ABCA10: variants seen among roughly 807,000 people sequenced by gnomAD.
ABCA10 encodes the protein ATP binding cassette subfamily A member 10.
ABCA10 carries 169 observed loss-of-function variants against 187.5 expected under a neutral mutation model. The observed-to-expected ratio is 0.90, with a 90% CI of 0.80 to 1.02. The LOEUF is 1.02. Ranked by LOEUF, ABCA10 falls within the 50% of genes least tolerant of loss-of-function variation. ABCA10 has a pLI of 0.00. For missense variants in ABCA10, 1,727 were observed against 1,812.4 expected (o/e 0.95, Z 0.86); for synonymous variants, 574 against 601.8 (o/e 0.95, Z 0.68).
intron 1 of ABCA10, among the ~76,000 whole-genome samples, chr17:69,242,871 C>T (rs146194857): frequency 5.3e-5 from 8 of 152,096 alleles, no homozygotes; most frequent in Non-Finnish European, 1.2e-4. Context: ...CTTGTTTTAG[C>T]GGAAAATACT....
chr17:69,180,665 G>T (rs1241306849), intron 22 of ABCA10, among the ~76,000 whole-genome samples: 1 of 152,078 alleles, frequency 6.6e-6, no homozygotes, highest in African/African-American at 2.4e-5. Context: ...TCTTATTTTT[G>T]CTCTGAACTG....
At chr17:69,149,475 A>G (rs147820824) in intron 37 of ABCA10, among the ~76,000 whole-genome samples, 3 of 152,288 alleles carry the variant, frequency 2.0e-5, no homozygotes, top group African/African-American at 7.2e-5. Context: ...ATAAATACGC[A>G]GTGTCTCTGG....
At chr17:69,164,278 ATGAGAAGAGTTGTTTTC>A (rs1555658472) in intron 26 of ABCA10, 124 bp from the exon 27 acceptor site, 1 of 747,372 alleles carries the variant, frequency 1.3e-6, no homozygotes. Flanking sequence ...ATGAATTGAG[ATGAGAAGAGTTGTTTTC>A]TGATGCTAAA....
chr17:69,194,672 A>G (rs1009714751), intron 11 of ABCA10, among the ~76,000 whole-genome samples, 177 bp from the exon 12 acceptor site: 1 of 152,232 alleles, frequency 6.6e-6, no homozygotes, highest in African/African-American at 2.4e-5. Context: ...CAAAGCTTCA[A>G]TTTGGAGAAA....
At position 69,190,471 on chromosome 17, in the gene ABCA10, TA is replaced by T; in HGVS notation, c.2017del (p.Tyr673ThrfsTer12). On this transcript the variant is annotated frameshift_variant, in exon 18 of 39. Transcript: ENST00000690296. ...LEKTNKFPDL[Y>X]SDLDKCSDQG... The stretch of plus-strand genomic sequence containing the variant: ...GTCAGAACACTTATCAAGGTCACTG[TA>T]AAGATCTAAAAAGCCAATAGTAATA... 1 of 1,568,256 alleles carries T rather than the reference TA, an allele frequency of 6.4e-7. No individual in the cohort carries two copies. The highest frequency in any genetic ancestry group is 8.6e-7 in the Non-Finnish European group (1 of 1,167,072).
At chr17:69,170,062 C>T (rs905004705) in intron 25 of ABCA10, among the ~76,000 whole-genome samples, 5 of 151,892 alleles carry the variant, frequency 3.3e-5, no homozygotes, top group African/African-American at 9.7e-5. Flanking sequence ...CCAAGGTAGG[C>T]GGGTCACCTG....
In ABCA10 at chr17:69,219,635, A is replaced by G; in HGVS notation, c.440T>C (p.Phe147Ser). 6.2e-7 allele frequency: 1 copy of G among 1,610,738 alleles called. No homozygotes were observed. The highest frequency in any genetic ancestry group is 8.5e-7 in the Non-Finnish European group (1 of 1,178,694). ...AACATTTAATGATGCAAAGTATATAAAAGAAGAGAAAGAAACTAAGCAAGT... is the reference window on the plus strand; with the variant it reads ...AACATTTAATGATGCAAAGTATATAGAAGAAGAGAAAGAAACTAAGCAAGT... ...HFTCLVSFSS[F>S]IYFASLNVAR... The change falls in exon 6 of 39, where the codon TTT becomes TCT. Residue 147 changes from phenylalanine to serine, a missense_variant. Phe to Ser is a radical substitution (Grantham distance 155, BLOSUM62 -2). Coordinates refer to ENST00000690296, the MANE Select transcript of ABCA10 (RefSeq NM_001377321.1).
chr17:69,226,284 A>G (rs2074792533), intron 2 of ABCA10, among the ~76,000 whole-genome samples: 1 of 152,204 alleles, frequency 6.6e-6, no homozygotes, highest in East Asian at 1.9e-4. Context: ...TGTTCATTGT[A>G]CCAATATTTT....
intron 15 of ABCA10, 115 bp downstream of exon 15, chr17:69,192,995 G>C (rs1045011253): frequency 2.1e-6 from 3 of 1,411,932 alleles, no homozygotes; most frequent in Non-Finnish European, 2.8e-6. Context: ...GCTTGAAATG[G>C]GCTTCTGCAA....
intron 20 of ABCA10, among the ~76,000 whole-genome samples, chr17:69,183,282 C>T (rs1598101514): frequency 6.6e-6 from 1 of 152,142 alleles, no homozygotes; most frequent in Admixed American, 6.5e-5. Flanking sequence ...TTCAAAACAT[C>T]TTTATGGAAT....
At chr17:69,170,198 G>C (rs976175198) in intron 25 of ABCA10, among the ~76,000 whole-genome samples, 3 of 151,010 alleles carry the variant, frequency 2.0e-5, no homozygotes, top group Admixed American at 6.6e-5. Context: ...TGAGGCAGGA[G>C]AATCACTTGA....
rs1169352704 is a variant in ABCA10 at position 69,210,847 on chromosome 17, C to CACATATATATATATATATATATATAT, written c.1006+3856_1006+3857insATATATATATATATATATATATATGT. 5.6e-3 allele frequency among the ~76,000 whole-genome samples: 210 copies of CACATATATATATATATATATATATAT among 37,834 alleles called. 5 individuals are homozygous for CACATATATATATATATATATATATAT. The highest frequency in any genetic ancestry group is 0.011 in the African/African-American group (186 of 17,326). The allele number at this position is 37,834 out of a possible 152,430, so 24.8% of individuals were successfully genotyped here. A position where few individuals can be genotyped will look rare whatever the true frequency, so the allele number is the denominator to read the frequency against. ...ATATATATGCCACATATTTATGCCA[C>CACATATATATATATATATATATATAT]ATATATATATATATATATGCCATAT... On this transcript the variant is annotated intron_variant, in intron 9 of 38. Coordinates refer to ENST00000690296, the MANE Select transcript of ABCA10 (RefSeq NM_001377321.1).
At chr17:69,169,926 G>T (rs559460151) in intron 25 of ABCA10, among the ~76,000 whole-genome samples, 50 of 152,224 alleles carry the variant, frequency 3.3e-4, no homozygotes, top group African/African-American at 1.2e-3. Flanking sequence ...CATAGTATTT[G>T]TAATTATTAA....
At chr17:69,214,918 A>ATATAT in intron 8 of ABCA10, 67 bp from the exon 9 acceptor site, 1 of 1,154,378 alleles carries the variant, frequency 8.7e-7, no homozygotes, top group Non-Finnish European at 1.2e-6. Context: ...AATTTTTTTT[A>ATATAT]AAAAATAGTG....
At chr17:69,155,584 T>C (rs1036527109) in intron 29 of ABCA10, among the ~76,000 whole-genome samples, 7 of 152,078 alleles carry the variant, frequency 4.6e-5, no homozygotes, top group Admixed American at 4.6e-4. Flanking sequence ...CACTGATGAA[T>C]GAGGAGCTGG....
chr17:69,164,230 T>C, intron 26 of ABCA10, 76 bp from the exon 27 acceptor site: 1 of 1,170,986 alleles, frequency 8.5e-7, no homozygotes, highest in Non-Finnish European at 1.2e-6. Flanking sequence ...TACACCCACA[T>C]TATACTTGAT....
intron 11 of ABCA10, among the ~76,000 whole-genome samples, 165 bp from the exon 12 acceptor site, chr17:69,194,660 G>A (rs1340408610): frequency 6.6e-6 from 1 of 152,108 alleles, no homozygotes; most frequent in Non-Finnish European, 1.5e-5. Context: ...TATTCCTGAA[G>A]ACAAAGCTTC....
At chr17:69,220,320 G>A (rs534775673) in intron 5 of ABCA10, among the ~76,000 whole-genome samples, 5 of 152,216 alleles carry the variant, frequency 3.3e-5, no homozygotes, top group South Asian at 2.1e-4. Flanking sequence ...TGTATAGTGC[G>A]TTGGAGCACA....
chr17:69,210,842 TGCC>T (rs1290392588), intron 9 of ABCA10, among the ~76,000 whole-genome samples: 5,447 of 23,096 alleles, frequency 0.24, 767 homozygotes, highest in African/African-American at 0.46. Flanking sequence ...CACATATTTA[TGCC>T]ACATATATAT....
Sources: allele counts gnomAD v4.1 joint callset (sites outside exome capture counted in the v4.1 genomes callset), GRCh38; gene constraint gnomAD v4.1.1; transcripts MANE v1.5; gene names NCBI Gene and HGNC (gene_info 2026-07-23, HGNC 2026-07-21).